The following GRID1 variants were observed in gnomAD, a reference collection of about 807,000 sequenced individuals.
GRID1 encodes the protein glutamate receptor ionotropic, delta-1.
GRID1 carries 28 observed loss-of-function variants against 98.0 expected under a neutral mutation model. The ratio of observed to expected loss-of-function variants is 0.29; its 90% confidence interval spans 0.21 to 0.39. The LOEUF (loss-of-function observed/expected upper bound fraction) is 0.39. GRID1 is among the 10% of genes least tolerant of loss of function. GRID1 has a pLI of 1.00. For missense variants in GRID1, 1,111 were observed against 1,340.5 expected, an observed-to-expected ratio of 0.83 and a Z score of 2.67; for synonymous variants, 553 against 538.5, an observed-to-expected ratio of 1.03 and a Z score of -0.37.
intron 4 of GRID1, among the ~76,000 whole-genome samples, chr10:86,046,083 G>A (rs1259808248): frequency 2.0e-5 from 3 of 152,098 alleles, no homozygotes; most frequent in Admixed American, 6.5e-5. Flanking sequence ...CTTTTCATAA[G>A]ACACACCCAC....
At chr10:86,055,758 A>AAGAAGGAGAAGG (rs141410567) in intron 4 of GRID1, among the ~76,000 whole-genome samples, 24 of 151,606 alleles carry the variant, frequency 1.6e-4, no homozygotes, top group African/African-American at 4.4e-4. Flanking sequence ...CAACAAGAAG[A>AAGAAGGAGAAGG]AGAAGGAGAA....
At chr10:85,928,772 T>C (rs572777644) in intron 4 of GRID1, among the ~76,000 whole-genome samples, 50 of 152,372 alleles carry the variant, frequency 3.3e-4, no homozygotes, top group Non-Finnish European at 6.2e-4. Context: ...TTTATCCTTG[T>C]AAATGTCATG....
chr10:85,895,016 A>AATATATATATATAT (rs67350023), intron 5 of GRID1, among the ~76,000 whole-genome samples: 1,423 of 96,800 alleles, frequency 0.015, 21 homozygotes, highest in Non-Finnish European at 0.024. Context: ...AAAAAAAAAA[A>AATATATATATATAT]ATATATATAT....
intron 3 of GRID1, among the ~76,000 whole-genome samples, chr10:86,140,710 A>G (rs1466561602): frequency 6.6e-6 from 1 of 152,204 alleles, no homozygotes; most frequent in Non-Finnish European, 1.5e-5. Flanking sequence ...AGGACTCAGT[A>G]CAGTCTCTGA....
intron 8 of GRID1, among the ~76,000 whole-genome samples, chr10:85,825,394 T>C (rs1185670667): frequency 6.6e-6 from 1 of 150,452 alleles, no homozygotes; most frequent in Non-Finnish European, 1.5e-5. Flanking sequence ...TTTTTTTTTT[T>C]CTTGCTGATT....
Position 85,774,674 on chromosome 10 carries a change from C to T in GRID1, c.1234-45060G>A, listed in dbSNP as rs529926121. On this transcript the variant is annotated intron_variant, in intron 8 of 15. Coordinates refer to ENST00000327946, the MANE Select transcript of GRID1 (RefSeq NM_017551.3). ...TTAAAAAGTGGGCAAAGGACATGAA[C>T]AGACACTTCTGAAAAGAAGACATTT... is the stretch of plus-strand genomic sequence containing the variant. 7.3e-4 allele frequency among the ~76,000 whole-genome samples: 111 copies of T among 152,072 alleles called. 1 individual carries two copies. Among genetic ancestry groups the T allele is most frequent in the African/African-American group, 2.6e-3 (110 of 41,534 alleles).
At chr10:86,198,919 A>G (rs1040085153) in intron 3 of GRID1, among the ~76,000 whole-genome samples, 3 of 152,130 alleles carry the variant, frequency 2.0e-5, no homozygotes, top group South Asian at 2.1e-4. Context: ...CAGGCACTCT[A>G]CTAGTGTTTT....
In GRID1 at chr10:86,366,656, G is replaced by A. The variant is rs1257307895; in HGVS notation, c.-264C>T. Among the ~76,000 whole-genome samples, 1 of 148,828 alleles carries A rather than the reference G, an allele frequency of 6.7e-6. No homozygotes were observed. The highest frequency in any genetic ancestry group is 2.4e-5 in the African/African-American group (1 of 41,154). On this transcript the variant is annotated 5_prime_UTR_variant, in exon 1 of 16. Coordinates refer to ENST00000327946, the MANE Select transcript of GRID1 (RefSeq NM_017551.3). The surrounding 1 kb of genome is among the most constrained non-coding windows in gnomAD (Gnocchi z 4.1). ...AGCTTGAGCCCAGGCCGGCGCGGCGGGGGCGGCCCGCGGCTGTGGCAGCGG... is the reference window on the plus strand; with the variant it reads ...AGCTTGAGCCCAGGCCGGCGCGGCGAGGGCGGCCCGCGGCTGTGGCAGCGG...
At position 85,994,984 on chromosome 10, in the gene GRID1, T is replaced by C. The variant is rs538518526; in HGVS notation, c.727-78745A>G. On this transcript the variant is annotated intron_variant, in intron 4 of 15. Transcript: ENST00000327946. The stretch of plus-strand genomic sequence containing the variant: ...TAAAATTAACCTTCATAGACACTGT[T>C]TGCCTTCACATGCTTACTATAAATG... Among the ~76,000 whole-genome samples, 18 of 152,364 alleles carry C rather than the reference T, an allele frequency of 1.2e-4. No individual in the cohort carries two copies. The East Asian group carries it at 3.5e-3, about 29-fold the overall frequency.
intron 5 of GRID1, among the ~76,000 whole-genome samples, chr10:85,881,712 G>A (rs2131803522): frequency 6.6e-6 from 1 of 152,246 alleles, no homozygotes; most frequent in East Asian, 1.9e-4. Context: ...ACATAGGCAT[G>A]GGCAAGTGCT....
chr10:86,135,561 T>C (rs1844911840), intron 4 of GRID1, among the ~76,000 whole-genome samples: 1 of 151,926 alleles, frequency 6.6e-6, no homozygotes, highest in African/African-American at 2.4e-5. Context: ...CCTCAGAGGA[T>C]GAATGTGGAA....
At chr10:86,068,054 G>A (rs1843745272) in intron 4 of GRID1, among the ~76,000 whole-genome samples, 1 of 152,188 alleles carries the variant, frequency 6.6e-6, no homozygotes, top group African/African-American at 2.4e-5. Flanking sequence ...TTTGTGCCTG[G>A]CTCTGTGTTA....
At chr10:86,197,394 T>C (rs1356357247) in intron 3 of GRID1, among the ~76,000 whole-genome samples, 1 of 152,118 alleles carries the variant, frequency 6.6e-6, no homozygotes, top group African/African-American at 2.4e-5. Context: ...AGGTCCCATC[T>C]GGACTAGTGG....
intron 12 of GRID1, among the ~76,000 whole-genome samples, chr10:85,706,781 A>C (rs1363935914): frequency 3.9e-5 from 6 of 152,200 alleles, no homozygotes; most frequent in Non-Finnish European, 8.8e-5. Flanking sequence ...TCAATGGAAC[A>C]GAACAGAGCC....
At chr10:85,748,375 T>C (rs1223128958) in intron 8 of GRID1, among the ~76,000 whole-genome samples, 1 of 152,202 alleles carries the variant, frequency 6.6e-6, no homozygotes, top group East Asian at 1.9e-4. Flanking sequence ...TGTTTCACTG[T>C]CATCCCCTGA....
chr10:86,071,543 A>G (rs1311419883), intron 4 of GRID1, among the ~76,000 whole-genome samples: 5 of 152,238 alleles, frequency 3.3e-5, no homozygotes, highest in Non-Finnish European at 7.3e-5. Flanking sequence ...CTGCAAATCC[A>G]AGCCATTGCC....
intron 12 of GRID1, among the ~76,000 whole-genome samples, chr10:85,698,533 T>C (rs1304553030): frequency 6.6e-6 from 1 of 150,598 alleles, no homozygotes; most frequent in East Asian, 1.9e-4. Flanking sequence ...TTCCATTGTC[T>C]GGATGTACCA....
At chr10:86,008,357 G>A (rs953739177) in intron 4 of GRID1, among the ~76,000 whole-genome samples, 2 of 151,786 alleles carry the variant, frequency 1.3e-5, no homozygotes, top group Admixed American at 6.6e-5. Flanking sequence ...CAAGCCCCAG[G>A]ATTTCTTAAA....
At chr10:86,091,860 G>A (rs962778402) in intron 4 of GRID1, among the ~76,000 whole-genome samples, 3 of 152,200 alleles carry the variant, frequency 2.0e-5, no homozygotes, top group Non-Finnish European at 4.4e-5. Context: ...TAGACTCGCT[G>A]GGTAGCTAGA....
Sources: allele counts gnomAD v4.1 joint callset (sites outside exome capture counted in the v4.1 genomes callset), GRCh38; gene constraint gnomAD v4.1.1; non-coding constraint Gnocchi (gnomAD v3.1); transcripts MANE v1.5; gene names NCBI Gene and HGNC (gene_info 2026-07-23, HGNC 2026-07-21).